Variants in NUP85 observed in about 807,000 individuals in gnomAD.
NUP85 encodes the protein nuclear pore complex protein Nup85.
Under a neutral mutation model 92.8 loss-of-function variants are expected in NUP85, and 23 were observed. The observed-to-expected ratio is 0.25, with a 90% confidence interval of 0.18 to 0.35. NUP85 has a LOEUF of 0.35. NUP85 is among the 10% of genes least tolerant of loss of function. NUP85 has a pLI of 1.00. For synonymous variants in NUP85, 314 were observed against 306.9 expected, an observed-to-expected ratio of 1.02 and a Z score of -0.24; for missense variants, 759 against 822.8, an observed-to-expected ratio of 0.92 and a Z score of 0.95.
intron 17 of NUP85, 127 bp from the exon 18 acceptor site, chr17:75,234,973 G>A: frequency 9.6e-7 from 1 of 1,039,048 alleles, no homozygotes; most frequent in Non-Finnish European, 1.5e-6. Flanking sequence ...TTTGAAATGA[G>A]GTATTCGTAT....
intron 2 of NUP85, among the ~76,000 whole-genome samples, 164 bp from the exon 3 acceptor site, chr17:75,209,659 G>T (rs1037810643): frequency 6.6e-6 from 1 of 152,112 alleles, no homozygotes; most frequent in Non-Finnish European, 1.5e-5. Context: ...GGCCAGCCTG[G>T]TCTCGAATTC....
At chr17:75,217,099 G>A (rs945638607) in intron 6 of NUP85, among the ~76,000 whole-genome samples, 20 of 151,902 alleles carry the variant, frequency 1.3e-4, no homozygotes, top group African/African-American at 4.4e-4. Flanking sequence ...GTCTTGCTCT[G>A]TCACCCATGC....
chr17:75,212,264 T>TG (rs1568069749), intron 4 of NUP85, among the ~76,000 whole-genome samples: 4 of 28,838 alleles, frequency 1.4e-4, no homozygotes, highest in Admixed American at 5.3e-4. Flanking sequence ...TTTTTTTTTT[T>TG]TTTTTTTTTT....
In NUP85 at chr17:75,226,057, C is replaced by G. The variant is rs780679050; in HGVS notation, c.994C>G (p.Leu332Val). Residue 332 changes from leucine to valine, a missense_variant, in exon 11 of 19, where the codon CTG becomes GTG. Coordinates refer to ENST00000245544, the MANE Select transcript of NUP85 (RefSeq NM_024844.5). ...TCTCATCACCTTTCCACAGTCCAGCCTGGACCTGTTTCTGGGAGGTGAGAG... is the reference window on the plus strand; with the variant it reads ...TCTCATCACCTTTCCACAGTCCAGCGTGGACCTGTTTCTGGGAGGTGAGAG... ...IDLHYYAQSSLDLFLGGESSP... is the reference protein window; with the variant it reads ...IDLHYYAQSSVDLFLGGESSP... The G allele has an allele frequency of 6.2e-7, 1 of 1,614,158 alleles. No homozygotes were observed. Among genetic ancestry groups the G allele is most frequent in the Non-Finnish European group, 8.5e-7 (1 of 1,180,020 alleles).
At chr17:75,217,542 C>T (rs2075469004) in intron 6 of NUP85, among the ~76,000 whole-genome samples, 1 of 152,084 alleles carries the variant, frequency 6.6e-6, no homozygotes, top group South Asian at 2.1e-4. Flanking sequence ...CAGAGTCTCA[C>T]TCCGTCACCC....
chr17:75,232,944 C>T lies in NUP85; in HGVS notation c.1490C>T (p.Ala497Val). The T allele has an allele frequency of 6.2e-7, 1 of 1,614,236 alleles. No individual in the cohort carries two copies. The highest frequency in any genetic ancestry group is 8.5e-7 in the Non-Finnish European group (1 of 1,180,046). ...TGGAGCATCCGTGCTAAGGATGCCG[C>T]CTTTGCCACGCTCGTGTCAGACAGG... ...LSWSIRAKDAAFATLVSDRFL... is the reference protein window; with the variant it reads ...LSWSIRAKDAVFATLVSDRFL... Residue 497 changes from alanine (A) to valine (V), a missense_variant, in exon 15 of 19, where the codon GCC (alanine) becomes GTC (valine). Transcript: ENST00000245544.
intron 16 of NUP85, among the ~76,000 whole-genome samples, 194 bp from the exon 17 acceptor site, chr17:75,234,443 G>A (rs1043141672): frequency 1.3e-5 from 2 of 152,134 alleles, no homozygotes; most frequent in Admixed American, 6.5e-5. Flanking sequence ...GTTCTTCCAA[G>A]TCTGTTTTGA....
chr17:75,209,670 C>G (rs2075197520), intron 2 of NUP85, among the ~76,000 whole-genome samples, 153 bp from the exon 3 acceptor site: 1 of 152,192 alleles, frequency 6.6e-6, no homozygotes, highest in African/African-American at 2.4e-5. Flanking sequence ...TCTCGAATTC[C>G]TGACCTCGTG....
intron 17 of NUP85, 78 bp from the exon 18 acceptor site, chr17:75,235,022 G>A (rs2076276828): frequency 6.6e-6 from 8 of 1,208,928 alleles, no homozygotes; most frequent in Admixed American, 5.2e-5. Flanking sequence ...AAGGAAGAAC[G>A]TCCGAACATG....
At chr17:75,210,187 C>T (rs892720250) in intron 3 of NUP85, among the ~76,000 whole-genome samples, 2 of 152,142 alleles carry the variant, frequency 1.3e-5, no homozygotes, top group Non-Finnish European at 2.9e-5. Context: ...TATTGATGGG[C>T]TGGCTTGACA....
At chr17:75,224,992 CTG>C (rs2075732321) in intron 7 of NUP85, 109 bp from the exon 8 acceptor site, 1 of 1,085,588 alleles carries the variant, frequency 9.2e-7, no homozygotes, top group African/African-American at 1.6e-5. Context: ...AGAAAGAAGC[CTG>C]TGTGTGAAGA....
At chr17:75,229,855 T>TCC (rs2075976927) in intron 11 of NUP85, among the ~76,000 whole-genome samples, 1 of 152,042 alleles carries the variant, frequency 6.6e-6, no homozygotes, top group South Asian at 2.1e-4. Flanking sequence ...TTAGCCTGGG[T>TCC]CCCCTATAGC....
chr17:75,234,049 CTTCTTT>C (rs201104452), intron 16 of NUP85, among the ~76,000 whole-genome samples: 9,239 of 96,770 alleles, frequency 0.095, 769 homozygotes, highest in African/African-American at 0.25. Flanking sequence ...CTCCATGTTT[CTTCTTT>C]TTTTTTTTTT....
intron 1 of NUP85, among the ~76,000 whole-genome samples, chr17:75,206,547 A>C (rs2075086804): frequency 6.6e-6 from 1 of 152,036 alleles, no homozygotes; most frequent in Non-Finnish European, 1.5e-5. Flanking sequence ...GAGGGGCAAA[A>C]AAGGGAGGTT....
chr17:75,212,792 A>T (rs1832049708), intron 4 of NUP85, among the ~76,000 whole-genome samples: 1 of 151,920 alleles, frequency 6.6e-6, no homozygotes, highest in African/African-American at 2.4e-5. Flanking sequence ...AAGTGTCGGG[A>T]TTACAGGTGT....
intron 16 of NUP85, 123 bp from the exon 17 acceptor site, chr17:75,234,514 C>T (rs1179194646): frequency 3.3e-6 from 3 of 896,080 alleles, no homozygotes; most frequent in East Asian, 4.8e-5. Context: ...AAATCTCCTG[C>T]TTTGTGGAGT....
At chr17:75,219,176 CAAAAA>C (rs911190501) in intron 7 of NUP85, among the ~76,000 whole-genome samples, 4 of 149,148 alleles carry the variant, frequency 2.7e-5, no homozygotes, top group African/African-American at 7.4e-5. Flanking sequence ...ATTGTGAGGA[CAAAAA>C]AAAAGAAAAG....
chr17:75,218,566 A>G (rs1371031623), intron 7 of NUP85, among the ~76,000 whole-genome samples: 1 of 151,350 alleles, frequency 6.6e-6, no homozygotes, highest in Non-Finnish European at 1.5e-5. Flanking sequence ...GGAAGAGAAG[A>G]CACAAAAAGG....
At chr17:75,217,786 T>G (rs1285395292) in intron 6 of NUP85, among the ~76,000 whole-genome samples, 3 of 152,224 alleles carry the variant, frequency 2.0e-5, no homozygotes, top group Non-Finnish European at 4.4e-5. Context: ...GGATTCCAGG[T>G]GTGCACCACC....
Sources: gnomAD v4.1 joint callset for allele counts (sites outside exome capture counted in the v4.1 genomes callset) on GRCh38, gnomAD v4.1.1 for gene constraint, MANE v1.5 for transcripts, NCBI Gene and HGNC (gene_info 2026-07-23, HGNC 2026-07-21) for gene names.